Variants in ANK2 observed in about 807,000 individuals in gnomAD.
ANK2 encodes the protein ankyrin 2.
Under a neutral mutation model 360.5 loss-of-function variants are expected in ANK2, and 83 were observed. The observed-to-expected ratio is 0.23, with a 90% CI of 0.19 to 0.28. The LOEUF (loss-of-function observed/expected upper bound fraction) is 0.28. ANK2 is among the 10% of genes least tolerant of loss of function. The pLI, the probability that ANK2 is intolerant of heterozygous loss-of-function variation, is 1.00. For missense variants in ANK2, 4,201 were observed against 4,795.7 expected (o/e 0.88, Z 3.66); for synonymous variants, 1,740 against 1,759.5 (o/e 0.99, Z 0.28).
At chr4:112,752,542 ATT>A in the ANK2 span, among the ~76,000 whole-genome samples, 30 of 147,800 alleles carry the variant, frequency 2.0e-4, no homozygotes, top group South Asian at 6.5e-4. Context: ...GGCCTGGCTA[ATT>A]TTTTTTTTTT....
At chr4:112,953,560 A>T (rs575134917) in intron 2 of ANK2, among the ~76,000 whole-genome samples, 13 of 152,222 alleles carry the variant, frequency 8.5e-5, no homozygotes, top group Non-Finnish European at 1.6e-4. Flanking sequence ...AGAGGATTAC[A>T]TACGTTTGGT....
At chr4:113,076,183 A>G (rs1402800473) in intron 1 of ANK2, among the ~76,000 whole-genome samples, 1 of 152,246 alleles carries the variant, frequency 6.6e-6, no homozygotes, top group African/African-American at 2.4e-5. Context: ...ATATAGTAAC[A>G]CGAACGATAG....
chr4:112,876,455 T>A (rs1368645895), intron 1 of ANK2, among the ~76,000 whole-genome samples: 2 of 151,790 alleles, frequency 1.3e-5, no homozygotes, highest in African/African-American at 4.8e-5. Flanking sequence ...ATAAAGAGGG[T>A]AGGAAACTGC....
intron 2 of ANK2, among the ~76,000 whole-genome samples, chr4:112,917,581 A>G (rs1365079370): frequency 6.6e-6 from 1 of 152,140 alleles, no homozygotes; most frequent in Non-Finnish European, 1.5e-5. Flanking sequence ...ATAAACCTCA[A>G]CTGTTTGGTT....
chr4:112,773,665 C>T, the ANK2 span, among the ~76,000 whole-genome samples: 1 of 152,206 alleles, frequency 6.6e-6, no homozygotes, highest in Non-Finnish European at 1.5e-5. Flanking sequence ...ATGCATTCAA[C>T]TTGTGCCAAG....
chr4:113,208,224 G>A (rs979101875), intron 4 of ANK2, among the ~76,000 whole-genome samples: 1 of 151,940 alleles, frequency 6.6e-6, no homozygotes, highest in Non-Finnish European at 1.5e-5. Flanking sequence ...AGGGAGTCAG[G>A]TGCAATGCAA....
intron 24 of ANK2, 142 bp from the exon 25 acceptor site, chr4:113,317,565 C>A (rs1413642347): frequency 7.1e-6 from 5 of 707,522 alleles, no homozygotes; most frequent in Non-Finnish European, 1.3e-5. Flanking sequence ...AAAGGTAGGA[C>A]AACAGAGACT....
intron 2 of ANK2, among the ~76,000 whole-genome samples, chr4:113,182,822 C>T (rs906729426): frequency 6.6e-6 from 1 of 151,662 alleles, no homozygotes; most frequent in Non-Finnish European, 1.5e-5. Context: ...AGGGCTCTTT[C>T]TATAAAAGAA....
At chr4:112,950,919 A>G (rs1451259589) in intron 2 of ANK2, among the ~76,000 whole-genome samples, 3 of 150,692 alleles carry the variant, frequency 2.0e-5, no homozygotes, top group Admixed American at 6.6e-5. Context: ...CGTCTCTACT[A>G]AAAATACAAA....
chr4:113,250,764 C>G (rs138018081), intron 10 of ANK2, among the ~76,000 whole-genome samples: 4,371 of 139,806 alleles, frequency 0.031, 743 homozygotes, highest in Non-Finnish European at 0.041. Context: ...CGCCCCCCCC[C>G]CCGACAGAGT....
At chr4:113,030,575 T>C (rs1181030068) in intron 2 of ANK2, among the ~76,000 whole-genome samples, 1 of 151,948 alleles carries the variant, frequency 6.6e-6, no homozygotes, top group African/African-American at 2.4e-5. Context: ...AAATGCAGGA[T>C]TGGACTCAGT....
At chr4:112,904,424 T>C in intron 1 of ANK2, 1 of 1,218,282 alleles carries the variant, frequency 8.2e-7, no homozygotes, top group Non-Finnish European at 1.1e-6. Flanking sequence ...GATTTCAAAC[T>C]TCTAATATTT....
intron 1 of ANK2, among the ~76,000 whole-genome samples, chr4:113,095,497 C>G (rs984148220): frequency 6.6e-6 from 1 of 151,982 alleles, no homozygotes; most frequent in African/African-American, 2.4e-5. Flanking sequence ...GTATCAGGCA[C>G]GAAGACAAGA....
chr4:113,036,069 A>G (rs1236554075), intron 2 of ANK2, among the ~76,000 whole-genome samples: 1 of 151,886 alleles, frequency 6.6e-6, no homozygotes, highest in Non-Finnish European at 1.5e-5. Context: ...CCGTAGTCTC[A>G]TACGTCTTCC....
intron 10 of ANK2, among the ~76,000 whole-genome samples, chr4:113,255,510 C>A (rs2048826407): frequency 6.6e-6 from 1 of 152,150 alleles, no homozygotes; most frequent in Non-Finnish European, 1.5e-5. Flanking sequence ...GACAGACATA[C>A]TAATTTGCAT....
At chr4:112,711,052 AG>A in the ANK2 span, among the ~76,000 whole-genome samples, 1 of 151,014 alleles carries the variant, frequency 6.6e-6, no homozygotes, top group Admixed American at 6.6e-5. Flanking sequence ...AGCCTCCCAA[AG>A]TGCTAGGATT....
chr4:112,938,928 C>G (rs2093978124), intron 2 of ANK2, among the ~76,000 whole-genome samples: 1 of 152,170 alleles, frequency 6.6e-6, no homozygotes, highest in South Asian at 2.1e-4. Context: ...TGCCACATAG[C>G]AGGAACTCAG....
chr4:113,371,549 C>T (rs1470195633), intron 43 of ANK2, among the ~76,000 whole-genome samples: 1 of 152,122 alleles, frequency 6.6e-6, no homozygotes, highest in East Asian at 1.9e-4. Flanking sequence ...TTGTATAAGT[C>T]ACTCTGAATT....
At chr4:113,363,684 T>C (rs1041161226) in intron 40 of ANK2, among the ~76,000 whole-genome samples, 2 of 152,180 alleles carry the variant, frequency 1.3e-5, no homozygotes, top group Non-Finnish European at 2.9e-5. Context: ...CTGTGTATAG[T>C]TTGTGTATCC....
Sources: allele counts gnomAD v4.1 joint callset (sites outside exome capture counted in the v4.1 genomes callset), GRCh38; gene constraint gnomAD v4.1.1; transcripts MANE v1.5; gene names NCBI Gene and HGNC (gene_info 2026-07-23, HGNC 2026-07-21).